Variants in CYP39A1 observed in about 807,000 individuals in gnomAD.
CYP39A1 encodes the protein 24-hydroxycholesterol 7-alpha-hydroxylase.
CYP39A1 carries 49 observed loss-of-function variants against 58.1 expected under a neutral mutation model. That is an observed-to-expected ratio of 0.84 (90% CI 0.67 to 1.07). The LOEUF is 1.07. Ranked by LOEUF, CYP39A1 falls within the 50% of genes least tolerant of loss-of-function variation. CYP39A1 has a pLI of 0.00. For synonymous variants in CYP39A1, 209 were observed against 187.6 expected (o/e 1.11, Z -0.93); for missense variants, 531 against 539.4 (o/e 0.98, Z 0.16).
At chr6:46,631,390 C>T (rs1481570613) in intron 5 of CYP39A1, among the ~76,000 whole-genome samples, 1 of 152,156 alleles carries the variant, frequency 6.6e-6, no homozygotes, top group African/African-American at 2.4e-5. Context: ...TAATATGGTA[C>T]CTACCTCGTA....
At chr6:46,607,653 G>C (rs1026042708) in intron 7 of CYP39A1, among the ~76,000 whole-genome samples, 11 of 152,250 alleles carry the variant, frequency 7.2e-5, no homozygotes, top group Non-Finnish European at 1.5e-4. Flanking sequence ...AACTCATTCA[G>C]ACCTTTGGAA....
intron 6 of CYP39A1, among the ~76,000 whole-genome samples, chr6:46,629,098 C>T (rs1165606499): frequency 6.6e-6 from 1 of 152,276 alleles, no homozygotes; most frequent in African/African-American, 2.4e-5. Flanking sequence ...TCTAAAGCCT[C>T]TCCAGGATCT....
At chr6:46,593,143 A>T (rs1417111332) in intron 8 of CYP39A1, among the ~76,000 whole-genome samples, 4 of 152,272 alleles carry the variant, frequency 2.6e-5, no homozygotes, top group Non-Finnish European at 4.4e-5. Flanking sequence ...CTATGCTGAA[A>T]CTTTGGTTTC....
At position 46,552,362 on chromosome 6, in the gene CYP39A1, T is replaced by C. The variant is rs995874268; in HGVS notation, c.1338+1405A>G. ...AGTTGTTTTGAGTTCCCTTTCATTG[T>C]AAGATTCTGAGAGCTCTTCATCACC... On this transcript the variant is annotated intron_variant, in intron 11 of 11. Transcript: ENST00000275016. Among the ~76,000 whole-genome samples, 6 of 152,326 alleles carry C rather than the reference T, an allele frequency of 3.9e-5. No homozygotes were observed. In the East Asian group the frequency reaches 7.7e-4, roughly 20 times the overall value.
At position 46,595,940 on chromosome 6, in the gene CYP39A1, C is replaced by A. The variant is rs753434377; in HGVS notation, c.1065+47G>T. ...AAAATATATGTGGGCAAAATGTGTACTTTTTTTGTAGAAGGTTGATTCATT... is the reference window on the plus strand; with the variant it reads ...AAAATATATGTGGGCAAAATGTGTAATTTTTTTGTAGAAGGTTGATTCATT... On this transcript the variant is annotated intron_variant, in intron 8 of 11. Transcript: ENST00000275016. The A allele has an allele frequency of 5.7e-6, 9 of 1,572,926 alleles. No individual in the cohort carries two copies. The South Asian group carries it at 1.1e-4, about 19-fold the overall frequency.
At chr6:46,604,937 C>T (rs1773745180) in intron 7 of CYP39A1, among the ~76,000 whole-genome samples, 1 of 151,120 alleles carries the variant, frequency 6.6e-6, no homozygotes. Context: ...CCCTGCGCCA[C>T]ATTGGAGGAG....
At chr6:46,621,923 A>G (rs1774979967) in intron 7 of CYP39A1, among the ~76,000 whole-genome samples, 1 of 152,178 alleles carries the variant, frequency 6.6e-6, no homozygotes, top group South Asian at 2.1e-4. Flanking sequence ...AATACTAGCA[A>G]ACTGAATCTA....
At chr6:46,645,668 T>C (rs935721616) in intron 1 of CYP39A1, among the ~76,000 whole-genome samples, 3 of 152,140 alleles carry the variant, frequency 2.0e-5, no homozygotes, top group Non-Finnish European at 1.5e-5. Context: ...TGTCTTTCCA[T>C]ATAAATTTTA....
chr6:46,595,976 C>G lies in CYP39A1; in HGVS notation c.1065+11G>C. ...GAAGGTTGATTCATTTAAAACCAAA[C>G]CAAAGCTTACCAAAATTTCCACAGG... On this transcript the variant is annotated intron_variant, in intron 8 of 11. Transcript: ENST00000275016. 6.2e-7 allele frequency: 1 copy of G among 1,606,424 alleles called. No homozygotes were observed.
At chr6:46,595,913 GA>G in intron 8 of CYP39A1, 73 bp downstream of exon 8, 1 of 1,408,910 alleles carries the variant, frequency 7.1e-7, no homozygotes. Context: ...ATGTCAACCT[GA>G]AAAATATATG....
chr6:46,557,965 A>G (rs945470766), intron 10 of CYP39A1, among the ~76,000 whole-genome samples: 2 of 151,244 alleles, frequency 1.3e-5, no homozygotes, highest in Admixed American at 6.6e-5. Context: ...GAAAAAAAGA[A>G]AAAGAAAATC....
chr6:46,644,432 C>G lies in CYP39A1; in HGVS notation c.178-2134G>C, dbSNP rs574326649. Among the ~76,000 whole-genome samples, 216 of 152,202 alleles carry G rather than the reference C, an allele frequency of 1.4e-3. 3 individuals are homozygous for G. The highest frequency in any genetic ancestry group is 4.8e-3 in the African/African-American group (201 of 41,534). ...CTTTGGGGGTCTGAGGCAGGAGTAT[C>G]ACTTGAGCCCAGGAGTTTTTGAGGT... On this transcript the variant is annotated intron_variant, in intron 1 of 11. Transcript: ENST00000275016.
At chr6:46,582,699 T>G (rs879109038) in intron 10 of CYP39A1, among the ~76,000 whole-genome samples, 1 of 152,024 alleles carries the variant, frequency 6.6e-6, no homozygotes, top group African/African-American at 2.4e-5. Context: ...CTTTTTTTTT[T>G]CATATGGCTA....
intron 10 of CYP39A1, among the ~76,000 whole-genome samples, chr6:46,567,135 T>C (rs1259848397): frequency 1.3e-5 from 2 of 152,180 alleles, no homozygotes; most frequent in South Asian, 2.1e-4. Context: ...CTCTGCCTGA[T>C]ATCTCCAATC....
At position 46,596,074 on chromosome 6, in the gene CYP39A1, A is replaced by G. The variant is rs200669481; in HGVS notation, c.978T>C (p.Leu326=). The G allele has an allele frequency of 2.5e-5, 40 of 1,611,300 alleles. No individual in the cohort carries two copies. The highest frequency in any genetic ancestry group is 1.1e-5 in the Non-Finnish European group (13 of 1,178,466). ...TTTCCAAAACACACCATTTAATTAG[A>G]AGGAGATTCTCCAGGTCATCCTCAG... is the stretch of plus-strand genomic sequence containing the variant. ...KVSEDDLENL[L]LIKWCVLETI... Residue 326 remains leucine (L), a synonymous_variant, in exon 8 of 12, where the codon CTT becomes CTC. Coordinates refer to ENST00000275016, the MANE Select transcript of CYP39A1 (RefSeq NM_016593.5).
At chr6:46,592,237 A>C (rs1772882932) in intron 8 of CYP39A1, among the ~76,000 whole-genome samples, 1 of 152,166 alleles carries the variant, frequency 6.6e-6, no homozygotes, top group Non-Finnish European at 1.5e-5. Flanking sequence ...ACCTTAGGGA[A>C]GGGTGGTGGG....
At chr6:46,589,521 T>C (rs1772693990) in intron 8 of CYP39A1, among the ~76,000 whole-genome samples, 1 of 152,094 alleles carries the variant, frequency 6.6e-6, no homozygotes, top group South Asian at 2.1e-4. Flanking sequence ...GTCATCATTT[T>C]TTTAACCCAG....
intron 3 of CYP39A1, 40 bp from the exon 4 acceptor site, chr6:46,638,018 C>T: frequency 6.4e-6 from 10 of 1,566,382 alleles, no homozygotes; most frequent in South Asian, 1.2e-5. Flanking sequence ...GACCCGAAGA[C>T]CAAAGAAGAA....
intron 7 of CYP39A1, among the ~76,000 whole-genome samples, chr6:46,615,954 C>T (rs906385484): frequency 6.6e-6 from 1 of 151,374 alleles, no homozygotes; most frequent in African/African-American, 2.4e-5. Flanking sequence ...TACTATAATA[C>T]CACCTTCCCC....
Sources: allele counts gnomAD v4.1 joint callset (sites outside exome capture counted in the v4.1 genomes callset), GRCh38; gene constraint gnomAD v4.1.1; transcripts MANE v1.5; gene names NCBI Gene and HGNC (gene_info 2026-07-23, HGNC 2026-07-21).